BICDL1: variants seen among roughly 807,000 people sequenced by gnomAD.
BICDL1 encodes BICD family like cargo adaptor 1, also known as BICD family-like cargo adapter 1.
BICDL1 carries 20 observed loss-of-function variants against 76.8 expected under a neutral mutation model. The observed-to-expected ratio is 0.26, with a 90% CI of 0.18 to 0.38. BICDL1 has a LOEUF of 0.38. BICDL1 is among the 10% of genes least tolerant of loss of function. BICDL1 has a pLI of 1.00. For missense variants in BICDL1, 700 were observed against 798.6 expected (o/e 0.88, Z 1.49); for synonymous variants, 383 against 337.1 (o/e 1.14, Z -1.49).
In BICDL1 at chr12:120,093,263, G is replaced by C; in HGVS notation, c.*102G>C. 1 of 1,348,892 alleles carries C rather than the reference G, an allele frequency of 7.4e-7. No individual in the cohort carries two copies. The highest frequency in any genetic ancestry group is 1.4e-5 in the African/African-American group (1 of 69,224). 83.6% of individuals were successfully genotyped at this position (1,348,892 alleles called of 1,614,324 possible). A position where few individuals can be genotyped will look rare whatever the true frequency, so the allele number is the denominator to read the frequency against. On this transcript the variant is annotated 3_prime_UTR_variant, in exon 10 of 10. Coordinates refer to ENST00000548673, the MANE Select transcript of BICDL1 (RefSeq NM_001367886.1). ...CAGCTTGCACCTCAGCAGCTGCCCTGCCCCTCATGCTAGGGCCCCATGGGT... is the reference window on the plus strand; with the variant it reads ...CAGCTTGCACCTCAGCAGCTGCCCTCCCCCTCATGCTAGGGCCCCATGGGT...
intron 2 of BICDL1, among the ~76,000 whole-genome samples, chr12:120,016,750 T>C (rs913693892): frequency 2.6e-5 from 4 of 152,002 alleles, no homozygotes; most frequent in East Asian, 3.9e-4. Context: ...ACCGCCAAAC[T>C]TATTTTCAAA....
At chr12:120,055,692 AC>A in intron 2 of BICDL1, among the ~76,000 whole-genome samples, 1 of 152,360 alleles carries the variant, frequency 6.6e-6, no homozygotes, top group East Asian at 1.9e-4. Context: ...AGTAAAAGAG[AC>A]TTAAGTTTTG....
chr12:120,042,587 C>T (rs1226443120), intron 2 of BICDL1, among the ~76,000 whole-genome samples: 1 of 152,008 alleles, frequency 6.6e-6, no homozygotes, highest in Non-Finnish European at 1.5e-5. Context: ...GGCGGGTCAC[C>T]TGAGGTCAGG....
chr12:120,090,828 C>T lies in BICDL1; in HGVS notation c.1704+757C>T, dbSNP rs1039856626. 4 of 1,230,324 alleles carry T rather than the reference C, an allele frequency of 3.3e-6. No homozygotes were observed. The African/African-American group carries it at 6.2e-5, about 19-fold the overall frequency. 76.2% of individuals were successfully genotyped at this position (1,230,324 alleles called of 1,614,324 possible). On this transcript the variant is annotated intron_variant, in intron 9 of 9. Coordinates refer to ENST00000548673, the MANE Select transcript of BICDL1 (RefSeq NM_001367886.1). ...ACTGGCCCCACCGCAGGGTGCCCGTCCCTGGCTCCTTGGCTCCTGCATGGC... is the reference window on the plus strand; with the variant it reads ...ACTGGCCCCACCGCAGGGTGCCCGTTCCTGGCTCCTTGGCTCCTGCATGGC...
intron 2 of BICDL1, among the ~76,000 whole-genome samples, chr12:120,040,780 C>T (rs1173927202): frequency 2.1e-5 from 3 of 142,804 alleles, no homozygotes; most frequent in Non-Finnish European, 3.0e-5. Flanking sequence ...GACAGTCTCA[C>T]TCTGTCGCTC....
intron 1 of BICDL1, among the ~76,000 whole-genome samples, chr12:119,995,379 C>T (rs910551028): frequency 6.6e-6 from 1 of 152,166 alleles, no homozygotes; most frequent in Non-Finnish European, 1.5e-5. Flanking sequence ...CAAAGAAATA[C>T]AAGGACTGAA....
At chr12:120,089,271 CGTGTGT>C (rs138992612) in intron 8 of BICDL1, among the ~76,000 whole-genome samples, 7 of 146,814 alleles carry the variant, frequency 4.8e-5, no homozygotes, top group South Asian at 2.2e-4. Context: ...CCTTTTTCAA[CGTGTGT>C]GTGTGTGTGT....
intron 2 of BICDL1, among the ~76,000 whole-genome samples, chr12:120,019,440 T>C (rs1566220245): frequency 2.6e-5 from 4 of 152,202 alleles, no homozygotes. Context: ...CATTTATATT[T>C]CCATTGCCTA....
At chr12:120,055,823 G>A (rs1425012946) in intron 2 of BICDL1, among the ~76,000 whole-genome samples, 1 of 152,210 alleles carries the variant, frequency 6.6e-6, no homozygotes, top group African/African-American at 2.4e-5. Context: ...TATTTGTACT[G>A]TTGATAGGGA....
chr12:120,086,740 G>T (rs915392781), intron 8 of BICDL1, among the ~76,000 whole-genome samples: 4 of 152,194 alleles, frequency 2.6e-5, no homozygotes, highest in African/African-American at 9.7e-5. Flanking sequence ...AAACAAGTCA[G>T]TTACTAGTGG....
chr12:119,994,356 T>C (rs1421144652), intron 1 of BICDL1, among the ~76,000 whole-genome samples: 1 of 152,022 alleles, frequency 6.6e-6, no homozygotes, highest in Non-Finnish European at 1.5e-5. Context: ...TTCAGAACCA[T>C]GTACTGGACT....
chr12:120,008,836 G>A (rs1951899389), intron 2 of BICDL1, among the ~76,000 whole-genome samples: 3 of 152,062 alleles, frequency 2.0e-5, no homozygotes, highest in Admixed American at 6.5e-5. Flanking sequence ...TTTTACATAG[G>A]AGCTCTCTTC....
intron 2 of BICDL1, among the ~76,000 whole-genome samples, chr12:120,000,748 A>T (rs1951742838): frequency 6.6e-6 from 1 of 152,140 alleles, no homozygotes; most frequent in Non-Finnish European, 1.5e-5. Context: ...TTGGAATCTG[A>T]CTCTGTTACT....
chr12:120,079,310 T>C lies in BICDL1; in HGVS notation c.1453-1577T>C, dbSNP rs112354875. ...AGCTCTGCCGTCTCGTTCTGGAGAA[T>C]GTCTGAAATGTATTGATTTTCAGAC... On this transcript the variant is annotated intron_variant, in intron 7 of 9. Coordinates refer to ENST00000548673, the MANE Select transcript of BICDL1 (RefSeq NM_001367886.1). The surrounding 1 kb of genome is among the most constrained non-coding windows in gnomAD (Gnocchi z 4.3). 7.2e-5 allele frequency among the ~76,000 whole-genome samples: 11 copies of C among 152,334 alleles called. No individual in the cohort carries two copies. The highest frequency in any genetic ancestry group is 1.5e-4 in the Non-Finnish European group (10 of 68,028).
At chr12:120,076,200 G>T (rs1051096391) in intron 7 of BICDL1, among the ~76,000 whole-genome samples, 3 of 152,136 alleles carry the variant, frequency 2.0e-5, no homozygotes, top group Non-Finnish European at 4.4e-5. Flanking sequence ...TAGAGACTTG[G>T]GTTAGGCAGC....
chr12:120,089,634 G>A (rs1183144946), intron 8 of BICDL1, among the ~76,000 whole-genome samples: 1 of 151,912 alleles, frequency 6.6e-6, no homozygotes, highest in African/African-American at 2.4e-5. Context: ...CACCCGCCTC[G>A]GCCTCCCAAA....
intron 9 of BICDL1, 103 bp downstream of exon 9, chr12:120,090,174 C>CT (rs1566273871): frequency 1.5e-6 from 2 of 1,370,362 alleles, no homozygotes; most frequent in Non-Finnish European, 2.0e-6. Context: ...TTCCATGTGA[C>CT]TGGGTGAACA....
In BICDL1 at chr12:120,092,438, G is replaced by A. The variant is rs377576993; in HGVS notation, c.1705-562G>A. Reference sequence around the variant, plus strand: ...TGGGAGCCTCAGCAGCAGGGTCTAGGGCAGCACCCAGGGCATCCTTGCCAC... The same window carrying A: ...TGGGAGCCTCAGCAGCAGGGTCTAGAGCAGCACCCAGGGCATCCTTGCCAC... On this transcript the variant is annotated intron_variant, in intron 9 of 9. Transcript: ENST00000548673. The A allele has an allele frequency of 4.1e-5, 40 of 985,484 alleles. No individual in the cohort carries two copies. In the East Asian group the frequency reaches 4.3e-3, roughly 106 times the overall value. 61.0% of individuals were successfully genotyped at this position (985,484 alleles called of 1,614,324 possible).
At chr12:120,010,012 A>C (rs1291403932) in intron 2 of BICDL1, among the ~76,000 whole-genome samples, 4 of 152,214 alleles carry the variant, frequency 2.6e-5, no homozygotes, top group African/African-American at 9.6e-5. Context: ...ATGTGTTTTT[A>C]AAATTTGTAA....
Sources: allele counts gnomAD v4.1 joint callset (sites outside exome capture counted in the v4.1 genomes callset), GRCh38; gene constraint gnomAD v4.1.1; non-coding constraint Gnocchi (gnomAD v3.1); transcripts MANE v1.5; gene names NCBI Gene and HGNC (gene_info 2026-07-23, HGNC 2026-07-21).